The following CDS2 variants were observed in gnomAD, a reference collection of about 807,000 sequenced individuals.
CDS2 encodes the protein CDP-diacylglycerol synthase 2, also known as phosphatidate cytidylyltransferase 2.
A neutral mutation model predicts 59.0 loss-of-function variants in CDS2; 47 were observed. The ratio of observed to expected loss-of-function variants is 0.80; its 90% CI spans 0.63 to 1.02. CDS2 has a LOEUF of 1.02. Among genes scored for constraint, CDS2 ranks in the 50% least tolerant of loss-of-function variants. The probability of loss-of-function intolerance (pLI) is 0.00; values close to 1 mark genes in which losing one functional copy is unlikely to be tolerated. For synonymous variants in CDS2, 207 were observed against 206.4 expected, an observed-to-expected ratio of 1.00 and a Z score of -0.02; for missense variants, 356 against 558.9, an observed-to-expected ratio of 0.64 and a Z score of 3.66.
At chr20:5,137,206 C>A (rs1329178068) in intron 1 of CDS2, among the ~76,000 whole-genome samples, 1 of 151,090 alleles carries the variant, frequency 6.6e-6, no homozygotes, top group Non-Finnish European at 1.5e-5. Flanking sequence ...TCTTTCCTAC[C>A]TCTGAAATGT....
intron 3 of CDS2, 60 bp from the exon 4 acceptor site, chr20:5,176,588 G>T: frequency 7.6e-7 from 1 of 1,318,526 alleles, no homozygotes; most frequent in Non-Finnish European, 1.1e-6. Context: ...ATGACCTGTT[G>T]GTTTCCATTT....
chr20:5,136,943 C>T (rs922898783), intron 1 of CDS2, among the ~76,000 whole-genome samples: 1 of 152,062 alleles, frequency 6.6e-6, no homozygotes, highest in African/African-American at 2.4e-5. Flanking sequence ...ACCAGCCTCC[C>T]ACTCTCCACC....
intron 1 of CDS2, among the ~76,000 whole-genome samples, chr20:5,131,808 T>C (rs901522303): frequency 1.2e-4 from 18 of 152,254 alleles, no homozygotes; most frequent in Non-Finnish European, 2.4e-4. Context: ...AGTTTGTCCA[T>C]CATTAAAATG....
intron 1 of CDS2, among the ~76,000 whole-genome samples, chr20:5,143,324 T>C (rs964774429): frequency 2.0e-5 from 3 of 152,176 alleles, no homozygotes; most frequent in Admixed American, 1.3e-4. Context: ...GGACCTTTCA[T>C]AGACTGCTTG....
chr20:5,130,195 G>C (rs1438392055), intron 1 of CDS2, among the ~76,000 whole-genome samples: 1 of 151,574 alleles, frequency 6.6e-6, no homozygotes, highest in East Asian at 2.0e-4. Context: ...GGTTGGTCTC[G>C]AACTCCTGAC....
At chr20:5,152,172 G>GT (rs1277489297) in intron 1 of CDS2, among the ~76,000 whole-genome samples, 18 of 151,258 alleles carry the variant, frequency 1.2e-4, no homozygotes, top group Admixed American at 2.6e-4. Flanking sequence ...TTTTGTTCAA[G>GT]TTTTTTTTTC....
chr20:5,173,404 C>A, intron 1 of CDS2, 119 bp from the exon 2 acceptor site: 1 of 1,114,658 alleles, frequency 9.0e-7, no homozygotes. Context: ...CCTGACTGTG[C>A]CAGGTTCTTA....
chr20:5,143,428 C>T (rs1227769919), intron 1 of CDS2, among the ~76,000 whole-genome samples: 2 of 152,160 alleles, frequency 1.3e-5, no homozygotes, highest in African/African-American at 4.8e-5. Flanking sequence ...AGCAGTTCCA[C>T]TCTTAGGTGA....
chr20:5,167,912 A>T (rs1311014630), intron 1 of CDS2, among the ~76,000 whole-genome samples: 2 of 152,244 alleles, frequency 1.3e-5, no homozygotes, highest in Non-Finnish European at 2.9e-5. Context: ...TGGGAAAGGC[A>T]GAGTTGTTGG....
chr20:5,175,286 G>A lies in CDS2; in HGVS notation c.291+7G>A. The A allele has an allele frequency of 6.2e-7, 1 of 1,607,116 alleles. No individual in the cohort carries two copies. Among genetic ancestry groups the A allele is most frequent in the Non-Finnish European group, 8.5e-7 (1 of 1,173,730 alleles). ...AATGGTTTTGATGATAATCGTAAGTGCCATTTCACACTATTTTAGTTTTCC... is the reference window on the plus strand; with the variant it reads ...AATGGTTTTGATGATAATCGTAAGTACCATTTCACACTATTTTAGTTTTCC... On this transcript the variant is annotated splice_region_variant and intron_variant, in intron 3 of 12. Transcript: ENST00000460006.
At chr20:5,158,598 TAA>T (rs769190870) in intron 1 of CDS2, among the ~76,000 whole-genome samples, 65 of 152,356 alleles carry the variant, frequency 4.3e-4, no homozygotes, top group Non-Finnish European at 7.2e-4. Context: ...TTTCAGGATA[TAA>T]GACTATAAGT....
At chr20:5,188,463 A>G (rs530135286) in intron 10 of CDS2, among the ~76,000 whole-genome samples, 4 of 152,232 alleles carry the variant, frequency 2.6e-5, no homozygotes, top group Non-Finnish European at 5.9e-5. Flanking sequence ...GCATGTTGCA[A>G]CAGATTGAAT....
rs912822312 is a variant in CDS2 at position 5,196,660 on chromosome 20, G to A, written c.*6426G>A. On this transcript the variant is annotated 3_prime_UTR_variant, in exon 13 of 13. Coordinates refer to ENST00000460006, the MANE Select transcript of CDS2 (RefSeq NM_003818.4). ...AAAGGAACAGCAGAGTAGAAAAGAG[G>A]TTGAGAATGTTTTCTAGCAGGCAGA... 15 of 152,248 alleles carry A rather than the reference G, an allele frequency of 9.9e-5. No homozygotes were observed. Among genetic ancestry groups the A allele is most frequent in the Non-Finnish European group, 1.9e-4 (13 of 68,060 alleles). 9.4% of individuals were successfully genotyped at this position (152,248 alleles called of 1,614,324 possible). A position where few individuals can be genotyped will look rare whatever the true frequency, so the allele number is the denominator to read the frequency against.
chr20:5,166,339 T>A (rs1422004079), intron 1 of CDS2, among the ~76,000 whole-genome samples: 2 of 152,154 alleles, frequency 1.3e-5, no homozygotes, highest in Admixed American at 1.3e-4. Context: ...GGGTACCATT[T>A]GCTAAGATAA....
chr20:5,179,235 C>T (rs1235256180), intron 5 of CDS2, among the ~76,000 whole-genome samples: 1 of 151,984 alleles, frequency 6.6e-6, no homozygotes, highest in Non-Finnish European at 1.5e-5. Flanking sequence ...GATCCTCCCA[C>T]CTCAGGTCCC....
intron 2 of CDS2, among the ~76,000 whole-genome samples, chr20:5,173,976 T>C (rs1234812022): frequency 6.6e-6 from 1 of 152,216 alleles, no homozygotes; most frequent in African/African-American, 2.4e-5. Flanking sequence ...CAGCTGACAC[T>C]GCACAGCACA....
chr20:5,139,622 C>A (rs937532033), intron 1 of CDS2, among the ~76,000 whole-genome samples: 10 of 152,114 alleles, frequency 6.6e-5, no homozygotes, highest in Non-Finnish European at 5.9e-5. Flanking sequence ...AAGTGGACAT[C>A]CTTGTCTTCT....
chr20:5,145,436 T>G (rs2090734324), intron 1 of CDS2, among the ~76,000 whole-genome samples: 1 of 152,120 alleles, frequency 6.6e-6, no homozygotes, highest in Admixed American at 6.5e-5. Context: ...CATAGTTGTT[T>G]CAGTGTACAG....
rs1186856419 is a variant in CDS2 at position 5,192,267 on chromosome 20, G to C, written c.*2033G>C. ...GGCTGCAGAGACCTGCTCTTGAATA[G>C]GGCTGCCTTTGGGATCAGGGAGCCG... On this transcript the variant is annotated 3_prime_UTR_variant, in exon 13 of 13. Transcript: ENST00000460006. The C allele has an allele frequency of 6.6e-6, 1 of 152,226 alleles. No individual in the cohort carries two copies. Among genetic ancestry groups the C allele is most frequent in the Non-Finnish European group, 1.5e-5 (1 of 68,178 alleles). The allele number at this position is 152,226 out of a possible 1,614,324, so 9.4% of individuals were successfully genotyped here. A position where few individuals can be genotyped will look rare whatever the true frequency, so the allele number is the denominator to read the frequency against.
Sources: allele counts gnomAD v4.1 joint callset (sites outside exome capture counted in the v4.1 genomes callset), GRCh38; gene constraint gnomAD v4.1.1; transcripts MANE v1.5; gene names NCBI Gene and HGNC (gene_info 2026-07-23, HGNC 2026-07-21).